The following GCG variants were observed in gnomAD, a reference collection of about 807,000 sequenced individuals.
The protein encoded by GCG is glucagon, also known as pro-glucagon.
A neutral mutation model predicts 22.8 loss-of-function variants in GCG; 11 were observed. The observed-to-expected ratio is 0.48, with a 90% CI of 0.30 to 0.80. The LOEUF is 0.80. GCG is among the 30% of genes least tolerant of loss of function. The probability of loss-of-function intolerance (pLI) is 0.06; values close to 1 mark genes in which losing one functional copy is unlikely to be tolerated. For missense variants in GCG, 222 were observed against 222.0 expected (o/e 1.00, Z 0.00); for synonymous variants, 89 against 72.4 (o/e 1.23, Z -1.16).
rs149831572 is a variant in GCG, at chr2:162,148,393, C to T, written c.92+694G>A. ...TTCTTTGTGGAATAAATTTTAAGAC[C>T]TCTTAAGCTTCCCAAATAAGTAGCT... is the stretch of plus-strand genomic sequence containing the variant. On this transcript the variant is annotated intron_variant, in intron 2 of 5. Transcript: ENST00000418842. 3.3e-5 allele frequency among the ~76,000 whole-genome samples: 5 copies of T among 152,062 alleles called. No individual in the cohort carries two copies. In the East Asian group the frequency reaches 9.7e-4, roughly 29 times the overall value.
Position 162,144,216 on chromosome 2 carries a change from A to G in GCG, c.393-46T>C. 6 of 1,417,666 alleles carry G rather than the reference A, an allele frequency of 4.2e-6. No homozygotes were observed. The South Asian group carries it at 4.6e-5, about 11-fold the overall frequency. The allele number at this position is 1,417,666 out of a possible 1,614,324, so 87.8% of individuals were successfully genotyped here. A position where few individuals can be genotyped will look rare whatever the true frequency, so the allele number is the denominator to read the frequency against. On this transcript the variant is annotated intron_variant, in intron 4 of 5. Coordinates refer to ENST00000418842, the MANE Select transcript of GCG (RefSeq NM_002054.5). Reference sequence around the variant, plus strand: ...ATTAGCGTTTGATTAGATATTTTCAATAAATGATCACAGATTGTCTACCAC... The same window carrying G: ...ATTAGCGTTTGATTAGATATTTTCAGTAAATGATCACAGATTGTCTACCAC...
At chr2:162,146,143 G>A (rs1315473935) in intron 3 of GCG, among the ~76,000 whole-genome samples, 1 of 152,152 alleles carries the variant, frequency 6.6e-6, no homozygotes, top group East Asian at 1.9e-4. Context: ...TAAAGAAAAT[G>A]TGTGATCTGC....
chr2:162,146,192 C>T (rs1047178341), intron 3 of GCG, among the ~76,000 whole-genome samples: 3 of 152,150 alleles, frequency 2.0e-5, no homozygotes, highest in African/African-American at 4.8e-5. Flanking sequence ...CCCATATCAA[C>T]ATCAAGTGTG....
At chr2:162,144,768 T>C (rs185233715) in intron 4 of GCG, 2 of 152,270 alleles carry the variant, frequency 1.3e-5, no homozygotes, top group Non-Finnish European at 2.9e-5. Flanking sequence ...TTGTTTTAAA[T>C]CTAATTTAAA....
Position 162,149,182 on chromosome 2 carries a change from T to C in GCG, c.-4A>G, listed in dbSNP as rs776344653. 6 of 1,604,308 alleles carry C rather than the reference T, an allele frequency of 3.7e-6. No individual in the cohort carries two copies. The highest frequency in any genetic ancestry group is 1.7e-4 in the Middle Eastern group (1 of 6,054). ...CCACAAAGTAAATGCTTTTCATTTC[T>C]GCTGTCTGTCAGAACACAGAATGGG... On this transcript the variant is annotated 5_prime_UTR_variant, in exon 2 of 6. Transcript: ENST00000418842.
In GCG at chr2:162,144,155, G is replaced by C; in HGVS notation, c.408C>G (p.Val136=). Residue 136 remains valine, a synonymous_variant, in exon 5 of 6, where the codon GTC becomes GTG. Transcript: ENST00000418842. ...GRGRRDFPEE[V]AIVEELGRRH... ...TGCGGCCAAGTTCTTCAACAATGGC[G>C]ACCTCTTCTGGGAAACTAAGAAAAT... 1 of 1,610,798 alleles carries C rather than the reference G, an allele frequency of 6.2e-7. No individual in the cohort carries two copies. Among genetic ancestry groups the C allele is most frequent in the Non-Finnish European group, 8.5e-7 (1 of 1,177,126 alleles).
chr2:162,152,016 T>G (rs1208919810), intron 1 of GCG, 142 bp downstream of exon 1: 2 of 152,246 alleles, frequency 1.3e-5, no homozygotes, highest in Non-Finnish European at 2.9e-5. Flanking sequence ...TGATATAACC[T>G]TTTCCATCTC....
At chr2:162,143,569 TCAAA>T (rs1375083672) in intron 5 of GCG, among the ~76,000 whole-genome samples, 199 bp from the exon 6 acceptor site, 10 of 152,304 alleles carry the variant, frequency 6.6e-5, no homozygotes, top group East Asian at 1.9e-4. Context: ...ATCAATGCTA[TCAAA>T]CAATTATGAA....
In GCG at chr2:162,144,151, T is replaced by C. The variant is rs1460209850; in HGVS notation, c.412A>G (p.Ile138Val). The stretch of plus-strand genomic sequence containing the variant: ...TGTCTGCGGCCAAGTTCTTCAACAA[T>C]GGCGACCTCTTCTGGGAAACTAAGA... ...GRRDFPEEVAIVEELGRRHAD... is the reference protein window; with the variant it reads ...GRRDFPEEVAVVEELGRRHAD... Residue 138 changes from isoleucine (I) to valine (V), a missense_variant, in exon 5 of 6, where the codon ATT becomes GTT. Ile to Val is a conservative substitution (Grantham distance 29). Coordinates refer to ENST00000418842, the MANE Select transcript of GCG (RefSeq NM_002054.5). The C allele has an allele frequency of 6.2e-7, 1 of 1,611,790 alleles. No individual in the cohort carries two copies. Among genetic ancestry groups the C allele is most frequent in the African/African-American group, 1.3e-5 (1 of 75,010 alleles).
At chr2:162,151,749 C>T (rs1229227744) in intron 1 of GCG, among the ~76,000 whole-genome samples, 4 of 152,186 alleles carry the variant, frequency 2.6e-5, no homozygotes. Context: ...TTATAGGCTC[C>T]CTAATGGACA....
intron 3 of GCG, 123 bp from the exon 4 acceptor site, chr2:162,145,800 T>C: frequency 1.5e-6 from 1 of 676,182 alleles, no homozygotes; most frequent in East Asian, 2.8e-5. Flanking sequence ...GTTTAGGAGA[T>C]GAGGGTTGCT....
Position 162,145,527 on chromosome 2 carries a change from T to C in GCG, c.392+13A>G. On this transcript the variant is annotated intron_variant, in intron 4 of 5. Transcript: ENST00000418842. ...CAAGGCAAAAAATGTCAAATAAGAA[T>C]GTACAGACTTACTCTCGCCTTCCTC... 8 of 1,588,078 alleles carry C rather than the reference T, an allele frequency of 5.0e-6. No homozygotes were observed. The highest frequency in any genetic ancestry group is 6.8e-6 in the Non-Finnish European group (8 of 1,169,942).
chr2:162,151,286 G>A (rs1192301031), intron 1 of GCG, among the ~76,000 whole-genome samples: 1 of 152,092 alleles, frequency 6.6e-6, no homozygotes, highest in Non-Finnish European at 1.5e-5. Context: ...ATCCCCAAAT[G>A]TGTTGGCATT....
At chr2:162,143,452 T>C (rs1473402666) in intron 5 of GCG, 82 bp from the exon 6 acceptor site, 2 of 584,488 alleles carry the variant, frequency 3.4e-6, no homozygotes, top group African/African-American at 1.9e-5. Flanking sequence ...ATTTCAATGA[T>C]TTATTTTGAT....
intron 1 of GCG, among the ~76,000 whole-genome samples, chr2:162,150,810 C>T (rs1189419952): frequency 2.6e-5 from 4 of 151,982 alleles, no homozygotes; most frequent in Non-Finnish European, 5.9e-5. Flanking sequence ...GCAATATCTC[C>T]TATTATGTTC....
At chr2:162,146,583 C>T (rs1372517816) in intron 3 of GCG, among the ~76,000 whole-genome samples, 2 of 149,736 alleles carry the variant, frequency 1.3e-5, no homozygotes, top group Non-Finnish European at 3.0e-5. Context: ...TCCTTTCTTA[C>T]TCTCACTCTC....
intron 2 of GCG, among the ~76,000 whole-genome samples, chr2:162,148,278 T>G (rs1260546445): frequency 6.6e-6 from 1 of 152,064 alleles, no homozygotes; most frequent in Non-Finnish European, 1.5e-5. Context: ...TTCAGGCCCT[T>G]TGACACAGTA....
chr2:162,143,611 A>G (rs1292933776), intron 5 of GCG, among the ~76,000 whole-genome samples: 1 of 152,184 alleles, frequency 6.6e-6, no homozygotes, highest in Non-Finnish European at 1.5e-5. Flanking sequence ...AAATTCATCA[A>G]GATAAGTATT....
At chr2:162,143,532 A>G (rs1559748459) in intron 5 of GCG, among the ~76,000 whole-genome samples, 162 bp from the exon 6 acceptor site, 1 of 152,168 alleles carries the variant, frequency 6.6e-6, no homozygotes, top group Non-Finnish European at 1.5e-5. Flanking sequence ...ATTTTCATTT[A>G]AAGATTATTT....
Sources: allele counts gnomAD v4.1 joint callset (sites outside exome capture counted in the v4.1 genomes callset), GRCh38; gene constraint gnomAD v4.1.1; transcripts MANE v1.5; gene names NCBI Gene and HGNC (gene_info 2026-07-23, HGNC 2026-07-21).